Variants in OR10G7 observed in about 807,000 individuals in gnomAD.
OR10G7 encodes the protein olfactory receptor 10G7.
For missense variants in OR10G7, 338 were observed against 382.1 expected (o/e 0.88, Z 0.96); for synonymous variants, 165 against 167.4 (o/e 0.99, Z 0.11).
chr11:124,041,284 A>G lies in OR10G7; in HGVS notation c.-419T>C, dbSNP rs1185229629. 1 of 152,106 alleles carries G rather than the reference A, an allele frequency of 6.6e-6. No individual in the cohort carries two copies. Among genetic ancestry groups the G allele is most frequent in the Non-Finnish European group, 1.5e-5 (1 of 68,024 alleles). The allele number at this position is 152,106 out of a possible 1,614,324, so 9.4% of individuals were successfully genotyped here. On this transcript the variant is annotated 5_prime_UTR_variant, in exon 1 of 2. Transcript: ENST00000641585. ...TTCCTATTTCTTTTTTAAATTTAAT[A>G]ATAGTAAATATGGGTTTTAGTTATA...
rs566479670 is a variant in OR10G7 at position 124,038,295 on chromosome 11, G to C, written c.707C>G (p.Ala236Gly). 1 of 1,614,108 alleles carries C rather than the reference G, an allele frequency of 6.2e-7. No individual in the cohort carries two copies. The highest frequency in any genetic ancestry group is 1.7e-5 in the Admixed American group (1 of 60,024). ...ACAGTGGGAGGCACAGGTCTGAAAG[G>C]CTCTGTGCCTCCCCTCTGAGGTGCG... ...RIRTSEGRHR[A>G]FQTCASHCIV... The change falls in exon 2 of 2, where the codon GCC (alanine) becomes GGC (glycine). Residue 236 changes from alanine to glycine, a missense_variant. Coordinates refer to ENST00000641585, the MANE Select transcript of OR10G7 (RefSeq NM_001004463.2).
chr11:124,038,972 G>A lies in OR10G7; in HGVS notation c.30C>T (p.Phe10=). 1 of 1,613,558 alleles carries A rather than the reference G, an allele frequency of 6.2e-7. No homozygotes were observed. The change falls in exon 2 of 2, where the codon TTC becomes TTT. Residue 10 remains phenylalanine, a synonymous_variant. Transcript: ENST00000641585. ...GGGCATGGGGAAGGCCCGTGAGGAT[G>A]AACGCTGTCAGTAGGGTGGCGTTGG... is the stretch of plus-strand genomic sequence containing the variant. MSNATLLTA[F]ILTGLPHAPG... is the part of the protein sequence containing the mutation.
At chr11:124,039,120 A>T in intron 1 of OR10G7, 99 bp from the exon 2 acceptor site, 1 of 1,181,180 alleles carries the variant, frequency 8.5e-7, no homozygotes, top group Non-Finnish European at 1.2e-6. Context: ...ATAGGGTTAA[A>T]TTATTTTTTA....
rs879296154 is a variant in OR10G7, at chr11:124,036,867, G to T, written c.*1199C>A. On this transcript the variant is annotated 3_prime_UTR_variant, in exon 2 of 2. Coordinates refer to ENST00000641585, the MANE Select transcript of OR10G7 (RefSeq NM_001004463.2). ...CACAGTTTACTTGGAGCAAGATATG[G>T]AAAGTTGGCACAAAGGAGCATTCTT... is the stretch of plus-strand genomic sequence containing the variant. 3 of 152,160 alleles carry T rather than the reference G, an allele frequency of 2.0e-5. No homozygotes were observed. Among genetic ancestry groups the T allele is most frequent in the Non-Finnish European group, 4.4e-5 (3 of 68,026 alleles). 9.4% of individuals were successfully genotyped at this position (152,160 alleles called of 1,614,324 possible).
At position 124,038,175 on chromosome 11, in the gene OR10G7, G is replaced by C. The variant is rs747090731; in HGVS notation, c.827C>G (p.Thr276Ser). The C allele has an allele frequency of 8.7e-6, 14 of 1,614,120 alleles. No individual in the cohort carries two copies. The highest frequency in any genetic ancestry group is 2.7e-5 in the African/African-American group (2 of 74,986). The change falls in exon 2 of 2, where the codon ACC (threonine) becomes AGC (serine). Residue 276 changes from threonine to serine, a missense_variant. Physicochemically the swap from Thr to Ser is moderately conservative, Grantham distance 58. Coordinates refer to ENST00000641585, the MANE Select transcript of OR10G7 (RefSeq NM_001004463.2). Reference protein sequence around the residue: ...ALHGVVAVFYTTLTPLFNPVV... With the variant: ...ALHGVVAVFYSTLTPLFNPVV... ...AGGGTTGAAAAGAGGAGTCAGCGTG[G>C]TGTAGAAAACGGCCACAACCCCATG...
intron 1 of OR10G7, among the ~76,000 whole-genome samples, chr11:124,039,281 T>A (rs1005392232): frequency 2.2e-4 from 33 of 152,100 alleles, no homozygotes; most frequent in African/African-American, 7.7e-4. Flanking sequence ...TTGTATCCTA[T>A]TTTCTGTAGA....
chr11:124,039,533 T>C (rs1488494069), intron 1 of OR10G7, among the ~76,000 whole-genome samples: 1 of 152,170 alleles, frequency 6.6e-6, no homozygotes, highest in African/African-American at 2.4e-5. Flanking sequence ...GCAAGCTTCA[T>C]TCTGGATGGC....
In OR10G7 at chr11:124,037,520, A is replaced by T. The variant is rs933508020; in HGVS notation, c.*546T>A. ...TCTCAGAAATCTTTCAGGCCAAAGT[A>T]AGAAAAAAATATTAAAGAGTTATAT... On this transcript the variant is annotated 3_prime_UTR_variant, in exon 2 of 2. Transcript: ENST00000641585. 6.6e-6 allele frequency: 1 copy of T among 152,178 alleles called. No homozygotes were observed. The highest frequency in any genetic ancestry group is 1.5e-5 in the Non-Finnish European group (1 of 68,110). The allele number at this position is 152,178 out of a possible 1,614,324, so 9.4% of individuals were successfully genotyped here. A position where few individuals can be genotyped will look rare whatever the true frequency, so the allele number is the denominator to read the frequency against.
rs552678054 is a variant in OR10G7, at chr11:124,036,218, C to G, written c.*1848G>C. ...ATCACTGTGTTATTTCTTACAACTT[C>G]ATGCGATTCTAAAATTATTTCAACA... On this transcript the variant is annotated 3_prime_UTR_variant, in exon 2 of 2. Transcript: ENST00000641585. The G allele has an allele frequency of 2.0e-5, 3 of 152,264 alleles. No homozygotes were observed. The highest frequency in any genetic ancestry group is 7.2e-5 in the African/African-American group (3 of 41,568). 9.4% of individuals were successfully genotyped at this position (152,264 alleles called of 1,614,324 possible).
At chr11:124,039,883 A>T (rs2137571482) in intron 1 of OR10G7, among the ~76,000 whole-genome samples, 1 of 152,230 alleles carries the variant, frequency 6.6e-6, no homozygotes, top group East Asian at 1.9e-4. Flanking sequence ...AATCTAACTA[A>T]GATCCTCCCC....
At position 124,036,574 on chromosome 11, in the gene OR10G7, A is replaced by G. The variant is rs1864194106; in HGVS notation, c.*1492T>C. ...CATTTTAGGTAATGGTAAGTTAGATATAACAGCGTGATGTTACAGAGAAGT... is the reference window on the plus strand; with the variant it reads ...CATTTTAGGTAATGGTAAGTTAGATGTAACAGCGTGATGTTACAGAGAAGT... On this transcript the variant is annotated 3_prime_UTR_variant, in exon 2 of 2. Transcript: ENST00000641585. 1 of 152,260 alleles carries G rather than the reference A, an allele frequency of 6.6e-6. No homozygotes were observed. The highest frequency in any genetic ancestry group is 6.5e-5 in the Admixed American group (1 of 15,284). 9.4% of individuals were successfully genotyped at this position (152,260 alleles called of 1,614,324 possible). A position where few individuals can be genotyped will look rare whatever the true frequency, so the allele number is the denominator to read the frequency against.
At chr11:124,039,164 C>CTGAA (rs1425968565) in intron 1 of OR10G7, 143 bp from the exon 2 acceptor site, 4 of 852,032 alleles carry the variant, frequency 4.7e-6, no homozygotes. Flanking sequence ...CAGTATAGGT[C>CTGAA]TTTGAAGAGG....
rs2137568671 is a variant in OR10G7 at position 124,036,395 on chromosome 11, G to C, written c.*1671C>G. 1 of 152,138 alleles carries C rather than the reference G, an allele frequency of 6.6e-6. No homozygotes were observed. Among genetic ancestry groups the C allele is most frequent in the African/African-American group, 2.4e-5 (1 of 41,512 alleles). The allele number at this position is 152,138 out of a possible 1,614,324, so 9.4% of individuals were successfully genotyped here. A position where few individuals can be genotyped will look rare whatever the true frequency, so the allele number is the denominator to read the frequency against. On this transcript the variant is annotated 3_prime_UTR_variant, in exon 2 of 2. Transcript: ENST00000641585. ...AAACTAATAATGAATCTCTCCTTGG[G>C]CATCCATTGCACTTACAACAATGTA... is the stretch of plus-strand genomic sequence containing the variant.
chr11:124,038,346 G>C lies in OR10G7; in HGVS notation c.656C>G (p.Ser219Cys). ...GATCCGCAGGATGGAACAGACGATG[G>C]ACACATAGGACAGCACTATCAGGAC... ...CFVLIVLSYVSIVCSILRIRT... is the reference protein window; with the variant it reads ...CFVLIVLSYVCIVCSILRIRT... The change falls in exon 2 of 2, where the codon TCC becomes TGC. Residue 219 changes from serine to cysteine, a missense_variant. Coordinates refer to ENST00000641585, the MANE Select transcript of OR10G7 (RefSeq NM_001004463.2). 6.2e-7 allele frequency: 1 copy of C among 1,614,144 alleles called. No individual in the cohort carries two copies.
In OR10G7 at chr11:124,036,966, C is replaced by T. The variant is rs1864197325; in HGVS notation, c.*1100G>A. On this transcript the variant is annotated 3_prime_UTR_variant, in exon 2 of 2. Transcript: ENST00000641585. ...AAATGCTTTTCAGTTCTAGCAGCTG[C>T]CTTCTAGTTTTCTTTTACTCTTCAT... 6.6e-6 allele frequency: 1 copy of T among 152,126 alleles called. No homozygotes were observed. The allele number at this position is 152,126 out of a possible 1,614,324, so 9.4% of individuals were successfully genotyped here. A position where few individuals can be genotyped will look rare whatever the true frequency, so the allele number is the denominator to read the frequency against.
intron 1 of OR10G7, among the ~76,000 whole-genome samples, chr11:124,040,061 T>C (rs1454164300): frequency 6.6e-6 from 1 of 152,142 alleles, no homozygotes; most frequent in African/African-American, 2.4e-5. Flanking sequence ...GTACCATCAT[T>C]TTCTTTAGCT....
Position 124,038,182 on chromosome 11 carries a change from A to G in OR10G7, c.820T>C (p.Phe274Leu). The G allele has an allele frequency of 6.2e-7, 1 of 1,614,058 alleles. No homozygotes were observed. The highest frequency in any genetic ancestry group is 1.1e-5 in the South Asian group (1 of 91,074). The change falls in exon 2 of 2, where the codon TTC becomes CTC. Residue 274 changes from phenylalanine (F) to leucine (L), a missense_variant. Transcript: ENST00000641585. ...RDALHGVVAV[F>L]YTTLTPLFNP... The stretch of plus-strand genomic sequence containing the variant: ...AAAAGAGGAGTCAGCGTGGTGTAGA[A>G]AACGGCCACAACCCCATGCAAGGCG...
rs1230050322 is a variant in OR10G7, at chr11:124,038,037, A to G, written c.*29T>C. 1 of 1,458,750 alleles carries G rather than the reference A, an allele frequency of 6.9e-7. No homozygotes were observed. Among genetic ancestry groups the G allele is most frequent in the African/African-American group, 1.4e-5 (1 of 69,990 alleles). 90.4% of individuals were successfully genotyped at this position (1,458,750 alleles called of 1,614,324 possible). On this transcript the variant is annotated 3_prime_UTR_variant, in exon 2 of 2. Transcript: ENST00000641585. ...TTAATTTAATTACAAATAAAAAAAGAAAAGTTAGCCATATATGGCCTTTCT... is the reference window on the plus strand; with the variant it reads ...TTAATTTAATTACAAATAAAAAAAGGAAAGTTAGCCATATATGGCCTTTCT...
chr11:124,039,554 C>T (rs1864227141), intron 1 of OR10G7, among the ~76,000 whole-genome samples: 1 of 152,154 alleles, frequency 6.6e-6, no homozygotes, highest in South Asian at 2.1e-4. Context: ...TGGGAGAAAA[C>T]TGCCTTCTCA....
Sources: allele counts gnomAD v4.1 joint callset (sites outside exome capture counted in the v4.1 genomes callset), GRCh38; gene constraint gnomAD v4.1.1; transcripts MANE v1.5; gene names NCBI Gene and HGNC (gene_info 2026-07-23, HGNC 2026-07-21).